The following ZC3H12B variants were observed in gnomAD, a reference collection of about 807,000 sequenced individuals.
ZC3H12B encodes probable ribonuclease ZC3H12B.
A neutral mutation model predicts 43.9 loss-of-function variants in ZC3H12B; 7 were observed. The ratio of observed to expected loss-of-function variants is 0.16; its 90% CI spans 0.09 to 0.30. The LOEUF is 0.30. Ranked by LOEUF, ZC3H12B falls within the 10% of genes least tolerant of loss-of-function variation. The pLI, the probability that ZC3H12B is intolerant of heterozygous loss-of-function variation, is 1.00. For synonymous variants in ZC3H12B, 222 were observed against 241.7 expected (o/e 0.92, Z 0.76); for missense variants, 475 against 670.2 (o/e 0.71, Z 3.22).
chrX:65,434,909 T>C (rs1470087951), intron 3 of ZC3H12B, among the ~76,000 whole-genome samples: 1 of 110,136 alleles, frequency 9.1e-6, no homozygotes, highest in Admixed American at 9.7e-5. Flanking sequence ...CTACTAGGAG[T>C]GGAGAAGGCA....
At chrX:65,378,339 T>A (rs2066378685) in intron 2 of ZC3H12B, among the ~76,000 whole-genome samples, 1 of 111,492 alleles carries the variant, frequency 9.0e-6, no homozygotes, top group African/African-American at 3.3e-5. Flanking sequence ...GTAGAGTGTT[T>A]TTTAGTTTAC....
At chrX:65,160,679 G>A in the ZC3H12B span, among the ~76,000 whole-genome samples, 1 of 111,091 alleles carries the variant, frequency 9.0e-6, no homozygotes, top group Non-Finnish European at 1.9e-5. Flanking sequence ...TGCTAATGGT[G>A]TATCAATTTT....
the ZC3H12B span, among the ~76,000 whole-genome samples, chrX:65,203,614 A>G: frequency 6.3e-4 from 69 of 109,441 alleles, 1 homozygote; most frequent in African/African-American, 2.2e-3. Context: ...TTGCAAGACA[A>G]AGTCCTCTTT....
intron 3 of ZC3H12B, among the ~76,000 whole-genome samples, chrX:65,405,438 G>A (rs2066810543): frequency 9.0e-6 from 1 of 111,297 alleles, no homozygotes; most frequent in South Asian, 3.8e-4. Context: ...TGGCCAACGT[G>A]GTGAAACCCT....
At chrX:65,391,915 AC>A (rs1254645899) in intron 2 of ZC3H12B, among the ~76,000 whole-genome samples, 1 of 111,165 alleles carries the variant, frequency 9.0e-6, no homozygotes, top group Non-Finnish European at 1.9e-5. Flanking sequence ...GCAGGTGCGC[AC>A]CACCACGCCT....
chrX:65,289,004 G>GA, the ZC3H12B span, among the ~76,000 whole-genome samples: 8 of 109,994 alleles, frequency 7.3e-5, no homozygotes, highest in South Asian at 3.8e-4. Context: ...GCTACAAAAA[G>GA]AAAAAAATAC....
the ZC3H12B span, among the ~76,000 whole-genome samples, chrX:65,170,883 A>C: frequency 1.8e-5 from 2 of 111,961 alleles, no homozygotes; most frequent in African/African-American, 6.5e-5. Flanking sequence ...TTTCAGCTCC[A>C]TCAGGTCATT....
At chrX:65,102,464 A>G in the ZC3H12B span, among the ~76,000 whole-genome samples, 1 of 112,237 alleles carries the variant, frequency 8.9e-6, no homozygotes, top group African/African-American at 3.2e-5. Flanking sequence ...TGCAGATGAC[A>G]TGATTGTATA....
chrX:65,481,346 C>T (rs1249501940), intron 3 of ZC3H12B, among the ~76,000 whole-genome samples: 1 of 111,891 alleles, frequency 8.9e-6, no homozygotes, highest in African/African-American at 3.2e-5. Flanking sequence ...TTTATCTCAC[C>T]TACCAGAATG....
intron 1 of ZC3H12B, among the ~76,000 whole-genome samples, chrX:65,495,500 A>G (rs1029821372): frequency 8.9e-6 from 1 of 112,316 alleles, no homozygotes; most frequent in South Asian, 3.7e-4. Flanking sequence ...TGTCTTAATT[A>G]GCCTTCTAAC....
chrX:65,042,214 G>C, the ZC3H12B span, among the ~76,000 whole-genome samples: 1 of 112,145 alleles, frequency 8.9e-6, no homozygotes, highest in Non-Finnish European at 1.9e-5. Flanking sequence ...TAGCTGTTTG[G>C]AAAACTAATT....
chrX:65,357,332 C>G, the ZC3H12B span: 23 of 256,478 alleles, frequency 9.0e-5, no homozygotes, highest in Admixed American at 1.0e-3. Context: ...GGATTTTGGG[C>G]AGATCCTCTA....
the ZC3H12B span, among the ~76,000 whole-genome samples, chrX:65,123,967 T>G: frequency 2.7e-5 from 3 of 110,927 alleles, no homozygotes; most frequent in South Asian, 1.2e-3. Context: ...CGTTACTGAT[T>G]TGGATACCCT....
the ZC3H12B span, among the ~76,000 whole-genome samples, chrX:65,222,251 C>G: frequency 9.0e-6 from 1 of 111,082 alleles, no homozygotes; most frequent in Non-Finnish European, 1.9e-5. Context: ...TGATTCTGAA[C>G]AAGGTAAAGT....
the ZC3H12B span, among the ~76,000 whole-genome samples, chrX:65,347,431 G>A: frequency 8.9e-6 from 1 of 111,871 alleles, no homozygotes; most frequent in Non-Finnish European, 1.9e-5. Flanking sequence ...CAAAGGATAT[G>A]AACAGACAGT....
At chrX:65,140,418 A>G in the ZC3H12B span, among the ~76,000 whole-genome samples, 1 of 111,965 alleles carries the variant, frequency 8.9e-6, no homozygotes, top group Non-Finnish European at 1.9e-5. Flanking sequence ...TATATATTGA[A>G]CTATCCTTGC....
intron 3 of ZC3H12B, among the ~76,000 whole-genome samples, chrX:65,410,562 T>C (rs6524984): frequency 0.23 from 25,259 of 111,015 alleles, 6,908 homozygotes; most frequent in African/African-American, 0.78. Flanking sequence ...TTGCACACCA[T>C]GCATCAGACA....
chrX:65,381,411 C>A (rs1327274092), intron 2 of ZC3H12B, among the ~76,000 whole-genome samples: 1 of 111,198 alleles, frequency 9.0e-6, no homozygotes, highest in African/African-American at 3.3e-5. Flanking sequence ...CCAACGAGAA[C>A]AAAGACACAA....
At chrX:65,163,246 T>A in the ZC3H12B span, among the ~76,000 whole-genome samples, 1 of 111,252 alleles carries the variant, frequency 9.0e-6, no homozygotes, top group Non-Finnish European at 1.9e-5. Context: ...GAGGCAGTCT[T>A]CCCATTCTCA....
Sources: gnomAD v4.1 joint callset for allele counts (sites outside exome capture counted in the v4.1 genomes callset) on GRCh38, gnomAD v4.1.1 for gene constraint, MANE v1.5 for transcripts, NCBI Gene and HGNC (gene_info 2026-07-23, HGNC 2026-07-21) for gene names.